EVL: variants seen among roughly 807,000 people sequenced by gnomAD.
EVL encodes ena/VASP-like protein.
Under a neutral mutation model 59.6 loss-of-function variants are expected in EVL, and 21 were observed. The observed-to-expected ratio is 0.35, with a 90% confidence interval of 0.25 to 0.51. The LOEUF is 0.51. Among genes scored for constraint, EVL ranks in the 20% least tolerant of loss-of-function variants. The pLI, the probability that EVL is intolerant of heterozygous loss-of-function variation, is 0.97. For missense variants in EVL, 462 were observed against 546.6 expected (o/e 0.85, Z 1.54); for synonymous variants, 198 against 203.5 (o/e 0.97, Z 0.23).
chr14:100,117,407 T>C (rs1481931167), intron 3 of EVL, among the ~76,000 whole-genome samples: 1 of 152,242 alleles, frequency 6.6e-6, no homozygotes, highest in African/African-American at 2.4e-5. Flanking sequence ...GCACCAGGGC[T>C]GGGCTCCCCT....
At position 100,043,305 on chromosome 14, in the gene EVL, GTGTGTA is replaced by G. The variant is rs200965797; in HGVS notation, c.6-41380_6-41375del. On this transcript the variant is annotated intron_variant, in intron 1 of 13. Transcript: ENST00000402714. Reference sequence around the variant, plus strand: ...TGTGTGTATATATATGTGTGTGTGTGTGTGTATATGTATATGTATAGATATACAAGG... The same window carrying G: ...TGTGTGTATATATATGTGTGTGTGTGTATGTATATGTATAGATATACAAGG... Among the ~76,000 whole-genome samples, 958 of 152,050 alleles carry G rather than the reference GTGTGTA, an allele frequency of 6.3e-3. 10 individuals are homozygous for G. The highest frequency in any genetic ancestry group is 0.021 in the African/African-American group (885 of 41,440).
In EVL at chr14:99,977,823, C is replaced by T. The variant is rs150665997; in HGVS notation, c.5+5766C>T. 4.1e-4 allele frequency among the ~76,000 whole-genome samples: 62 copies of T among 151,638 alleles called. No individual in the cohort carries two copies. In the East Asian group the frequency reaches 0.011, roughly 27 times the overall value. ...TAAAAAAGTCATGGATGGCTGGGCA[C>T]GGTGGTTCATGCCTGTAATGTCAGC... On this transcript the variant is annotated intron_variant, in intron 1 of 13. Coordinates refer to the EVL transcript ENST00000402714.
intron 1 of EVL, among the ~76,000 whole-genome samples, chr14:100,069,663 T>C (rs988834540): frequency 2.0e-5 from 3 of 152,206 alleles, no homozygotes; most frequent in African/African-American, 7.2e-5. Context: ...GAATCCCATG[T>C]GCCTCTAGTT....
chr14:99,993,500 T>C (rs977451611), intron 1 of EVL, among the ~76,000 whole-genome samples: 3 of 152,288 alleles, frequency 2.0e-5, no homozygotes, highest in Non-Finnish European at 2.9e-5. Flanking sequence ...GCTGACCTAA[T>C]AGAATGAGTT....
chr14:99,972,040 C>G lies in EVL; in HGVS notation c.-13C>G, dbSNP rs1288191815. 3.9e-6 allele frequency: 1 copy of G among 255,908 alleles called. No homozygotes were observed. Among genetic ancestry groups the G allele is most frequent in the Admixed American group, 5.6e-5 (1 of 17,882 alleles). 15.9% of individuals were successfully genotyped at this position (255,908 alleles called of 1,614,324 possible). The stretch of plus-strand genomic sequence containing the variant: ...TCGCCCCTGGCCCGGCGCGCCCGTC[C>G]CCGGCAGCGACAATGAGGTGAGTCG... On this transcript the variant is annotated 5_prime_UTR_variant, in exon 1 of 14. Coordinates refer to the EVL transcript ENST00000402714. This position sits in a 1 kb window ranked among gnomAD's most constrained non-coding sequence, Gnocchi z 4.4.
rs894747321 is a variant in EVL, at chr14:100,020,776, G to A, written c.5+48719G>A. 1.1e-4 allele frequency among the ~76,000 whole-genome samples: 16 copies of A among 152,212 alleles called. 2 individuals carry two copies. The highest frequency in any genetic ancestry group is 9.8e-4 in the Admixed American group (15 of 15,288). ...CCACAAAGAAAAGTCGGACCGTAAA[G>A]GTCGTCCCCTGCCCTTTTCAGTAAA... On this transcript the variant is annotated intron_variant, in intron 1 of 13. Coordinates refer to the EVL transcript ENST00000402714.
At chr14:100,122,613 G>A (rs958756600) in intron 3 of EVL, among the ~76,000 whole-genome samples, 17 of 152,134 alleles carry the variant, frequency 1.1e-4, no homozygotes, top group African/African-American at 3.4e-4. Context: ...CCCATCCTGC[G>A]GCAGAAACAA....
upstream of EVL, among the ~76,000 whole-genome samples, chr14:100,064,423 G>A (rs2061890156): frequency 6.6e-6 from 1 of 152,182 alleles, no homozygotes; most frequent in African/African-American, 2.4e-5. Context: ...AGAACCCTGT[G>A]GAGATAGGCA....
At chr14:100,026,908 C>A (rs1211429935) in intron 1 of EVL, among the ~76,000 whole-genome samples, 1 of 152,130 alleles carries the variant, frequency 6.6e-6, no homozygotes, top group Non-Finnish European at 1.5e-5. Context: ...GAATCTACAA[C>A]CATGTGGATC....
intron 1 of EVL, among the ~76,000 whole-genome samples, chr14:100,023,371 ATT>A (rs1010647617): frequency 0.085 from 7,646 of 90,440 alleles, 192 homozygotes; most frequent in African/African-American, 0.13. Flanking sequence ...AGCCCGGCTA[ATT>A]TTTTTTTTTT....
At chr14:100,080,562 A>G (rs1360116261) in intron 1 of EVL, among the ~76,000 whole-genome samples, 1 of 152,232 alleles carries the variant, frequency 6.6e-6, no homozygotes, top group Non-Finnish European at 1.5e-5. Context: ...TGAAGCTTTA[A>G]GAGTTTAGGT....
At chr14:99,975,705 CAG>C (rs147544301) in intron 1 of EVL, among the ~76,000 whole-genome samples, 3,259 of 152,306 alleles carry the variant, frequency 0.021, 57 homozygotes, top group Admixed American at 0.055. Context: ...GCTCATCTGA[CAG>C]GAGGCAGACT....
At chr14:100,113,696 A>G (rs1216157459) in intron 3 of EVL, among the ~76,000 whole-genome samples, 1 of 152,098 alleles carries the variant, frequency 6.6e-6, no homozygotes, top group Non-Finnish European at 1.5e-5. Context: ...CTTAAAATCC[A>G]TGCGTATTTT....
intron 1 of EVL, among the ~76,000 whole-genome samples, chr14:99,980,902 C>G (rs1316294622): frequency 6.6e-6 from 1 of 152,036 alleles, no homozygotes; most frequent in African/African-American, 2.4e-5. Context: ...TTTTGCTTAT[C>G]TAGTTATATA....
chr14:100,037,508 C>G (rs2061405939), intron 1 of EVL, among the ~76,000 whole-genome samples: 1 of 152,198 alleles, frequency 6.6e-6, no homozygotes, highest in African/African-American at 2.4e-5. Context: ...CTGGATTTGT[C>G]AGTCCCTGCC....
rs1396125404 is a variant in EVL, at chr14:100,130,315, TG to T, written c.839+635del. 6.6e-6 allele frequency among the ~76,000 whole-genome samples: 1 copy of T among 152,198 alleles called. No homozygotes were observed. Among genetic ancestry groups the T allele is most frequent in the Non-Finnish European group, 1.5e-5 (1 of 68,036 alleles). On this transcript the variant is annotated intron_variant, in intron 7 of 13. Coordinates refer to ENST00000392920, the MANE Select transcript of EVL (RefSeq NM_016337.3). The surrounding 1 kb of genome is among the most constrained non-coding windows in gnomAD (Gnocchi z 4.8). Reference sequence around the variant, plus strand: ...GTTCCCCAAATGAAACCCGAGCAGATGGGGAGATCGTCCAGGTCTTTCTCAA... The same window carrying T: ...GTTCCCCAAATGAAACCCGAGCAGATGGGAGATCGTCCAGGTCTTTCTCAA...
chr14:100,054,874 C>T (rs1039151951), intron 1 of EVL, among the ~76,000 whole-genome samples: 1 of 152,144 alleles, frequency 6.6e-6, no homozygotes, highest in Non-Finnish European at 1.5e-5. Context: ...CACCCAGGCA[C>T]ACATCCCCTG....
Position 100,143,955 on chromosome 14 carries a change from G to A in EVL, c.*217G>A. The A allele has an allele frequency of 5.4e-6, 3 of 555,874 alleles. No individual in the cohort carries two copies. The highest frequency in any genetic ancestry group is 9.5e-6 in the Non-Finnish European group (3 of 315,474). 34.4% of individuals were successfully genotyped at this position (555,874 alleles called of 1,614,324 possible). The stretch of plus-strand genomic sequence containing the variant: ...CTGCCTGACACGGAACACCAGGTCT[G>A]CTCGTCTTTTTTGTGTTTTATATTT... On this transcript the variant is annotated 3_prime_UTR_variant, in exon 14 of 14. Coordinates refer to ENST00000392920, the MANE Select transcript of EVL (RefSeq NM_016337.3).
chr14:100,143,563 C>CAA, intron 13 of EVL, 138 bp from the exon 14 acceptor site: 1 of 1,066,720 alleles, frequency 9.4e-7, no homozygotes, highest in Non-Finnish European at 1.4e-6. Context: ...AGGTCTATGC[C>CAA]AAAGCCTGGG....
Sources: allele counts gnomAD v4.1 joint callset (sites outside exome capture counted in the v4.1 genomes callset), GRCh38; gene constraint gnomAD v4.1.1; non-coding constraint Gnocchi (gnomAD v3.1); transcripts MANE v1.5; gene names NCBI Gene and HGNC (gene_info 2026-07-23, HGNC 2026-07-21).